AOPEP: variants seen among roughly 807,000 people sequenced by gnomAD.
The protein encoded by AOPEP is aminopeptidase O.
Under a neutral mutation model 98.1 loss-of-function variants are expected in AOPEP, and 77 were observed. The observed-to-expected ratio is 0.78, with a 90% CI of 0.65 to 0.95. The LOEUF (loss-of-function observed/expected upper bound fraction) is 0.95, where lower values mean the gene tolerates loss of function less well. Among genes scored for constraint, AOPEP ranks in the 40% least tolerant of loss-of-function variants. The pLI, the probability that AOPEP is intolerant of heterozygous loss-of-function variation, is 0.00. For missense variants in AOPEP, 1,024 were observed against 1,024.7 expected (o/e 1.00, Z 0.01); for synonymous variants, 346 against 365.3 (o/e 0.95, Z 0.60).
intron 13 of AOPEP, among the ~76,000 whole-genome samples, chr9:95,010,950 A>G (rs1180813753): frequency 2.0e-5 from 3 of 152,142 alleles, no homozygotes; most frequent in African/African-American, 7.2e-5. Flanking sequence ...TCTTGGTCCT[A>G]TTTGTGGGTC....
At chr9:94,995,658 C>T (rs1255822883) in intron 11 of AOPEP, among the ~76,000 whole-genome samples, 1 of 152,184 alleles carries the variant, frequency 6.6e-6, no homozygotes, top group African/African-American at 2.4e-5. Flanking sequence ...GAAGGCAAAA[C>T]AGGCCATAAT....
At chr9:94,820,284 C>T (rs1336010380) in intron 5 of AOPEP, among the ~76,000 whole-genome samples, 2 of 152,108 alleles carry the variant, frequency 1.3e-5, no homozygotes, top group Non-Finnish European at 2.9e-5. Context: ...CACCTCTGTT[C>T]CGATTTTCCA....
At chr9:94,868,823 T>C (rs2045996122) in intron 5 of AOPEP, among the ~76,000 whole-genome samples, 1 of 152,226 alleles carries the variant, frequency 6.6e-6, no homozygotes, top group African/African-American at 2.4e-5. Flanking sequence ...TCTTTATTAT[T>C]TTACTTCATG....
chr9:94,794,296 AC>A, intron 4 of AOPEP, among the ~76,000 whole-genome samples: 1 of 152,330 alleles, frequency 6.6e-6, no homozygotes, highest in Middle Eastern at 3.4e-3. Context: ...AGGATTTTAT[AC>A]CCGGCTCAAT....
chr9:95,148,288 A>T, the AOPEP span, among the ~76,000 whole-genome samples: 2 of 152,236 alleles, frequency 1.3e-5, no homozygotes. Flanking sequence ...TTGCCTGGAG[A>T]AAAGCACTCC....
intron 5 of AOPEP, among the ~76,000 whole-genome samples, chr9:94,916,169 A>C (rs1003119294): frequency 1.3e-5 from 2 of 152,218 alleles, no homozygotes; most frequent in African/African-American, 4.8e-5. Context: ...TCCCTGTATC[A>C]CAGTGGAGGC....
chr9:95,078,870 G>A (rs1470642371), intron 14 of AOPEP, among the ~76,000 whole-genome samples: 3 of 152,236 alleles, frequency 2.0e-5, no homozygotes, highest in Non-Finnish European at 1.5e-5. Context: ...TTCTTCTAGC[G>A]GCTTCCTCTG....
intron 1 of AOPEP, among the ~76,000 whole-genome samples, chr9:94,742,113 T>C (rs1227366918): frequency 1.3e-5 from 2 of 152,168 alleles, no homozygotes; most frequent in Non-Finnish European, 2.9e-5. Flanking sequence ...TGTGTAATAG[T>C]TGAAGTGGGT....
chr9:94,820,073 A>G (rs1852711749), intron 5 of AOPEP, among the ~76,000 whole-genome samples: 1 of 150,912 alleles, frequency 6.6e-6, no homozygotes. Flanking sequence ...ACCCTCCTGA[A>G]TAGCTGGGAT....
chr9:94,898,834 T>A (rs1452773086), intron 5 of AOPEP, among the ~76,000 whole-genome samples: 1 of 147,652 alleles, frequency 6.8e-6, no homozygotes, highest in East Asian at 2.1e-4. Context: ...TCCCAGCTAC[T>A]CAGGAGGCTG....
chr9:95,109,319 A>ATTGT, the AOPEP span, among the ~76,000 whole-genome samples: 1 of 152,114 alleles, frequency 6.6e-6, no homozygotes, highest in South Asian at 2.1e-4. Context: ...GCCATTTCCC[A>ATTGT]TTGTTGTATT....
intron 11 of AOPEP, among the ~76,000 whole-genome samples, chr9:94,982,911 A>G (rs2060278278): frequency 1.3e-5 from 2 of 152,172 alleles, no homozygotes; most frequent in South Asian, 4.1e-4. Flanking sequence ...TAAAACATTT[A>G]TATGCAAATA....
At chr9:95,076,134 T>C (rs2069039484) in intron 14 of AOPEP, among the ~76,000 whole-genome samples, 1 of 152,228 alleles carries the variant, frequency 6.6e-6, no homozygotes. Context: ...CCTCAAGTTC[T>C]CTCTTAATTA....
At chr9:95,087,961 A>T (rs772532701), downstream of AOPEP, among the ~76,000 whole-genome samples, 1 of 152,194 alleles carries the variant, frequency 6.6e-6, no homozygotes, top group Non-Finnish European at 1.5e-5. Context: ...GGATCTCATT[A>T]GAAGCTCTGG....
intron 1 of AOPEP, among the ~76,000 whole-genome samples, chr9:94,728,772 C>T (rs1041908966): frequency 2.6e-5 from 4 of 152,036 alleles, no homozygotes; most frequent in East Asian, 1.9e-4. Context: ...ATGCGGGGCA[C>T]GAGGGACACT....
chr9:94,743,462 T>A (rs1833730141), intron 1 of AOPEP, among the ~76,000 whole-genome samples: 2 of 152,164 alleles, frequency 1.3e-5, no homozygotes, highest in Admixed American at 1.3e-4. Flanking sequence ...TTCAACAGTT[T>A]AAGAAATATG....
At chr9:94,734,243 TGTA>T (rs1217781469) in intron 1 of AOPEP, among the ~76,000 whole-genome samples, 1 of 152,066 alleles carries the variant, frequency 6.6e-6, no homozygotes, top group Admixed American at 6.6e-5. Context: ...CTGAAGGAAG[TGTA>T]GTTGCCTAAG....
intron 9 of AOPEP, among the ~76,000 whole-genome samples, chr9:94,958,981 T>G (rs981826117): frequency 1.6e-5 from 2 of 125,952 alleles, no homozygotes; most frequent in Non-Finnish European, 3.0e-5. Context: ...CACTCCTATG[T>G]TTTTTTTTTA....
chr9:94,995,982 T>C (rs2061196254), intron 11 of AOPEP, among the ~76,000 whole-genome samples: 2 of 152,112 alleles, frequency 1.3e-5, no homozygotes, highest in South Asian at 4.1e-4. Flanking sequence ...CAGTGCTGGA[T>C]CAAGTTCACA....
Sources: allele counts gnomAD v4.1 joint callset (sites outside exome capture counted in the v4.1 genomes callset), GRCh38; gene constraint gnomAD v4.1.1; transcripts MANE v1.5; gene names NCBI Gene and HGNC (gene_info 2026-07-23, HGNC 2026-07-21).